The following PRKAB1 variants were observed in gnomAD, a reference collection of about 807,000 sequenced individuals.
PRKAB1 encodes 5'-AMP-activated protein kinase subunit beta-1.
In PRKAB1, 18 loss-of-function variants were observed where a neutral mutation model predicts 32.0. The ratio of observed to expected loss-of-function variants is 0.56; its 90% confidence interval spans 0.39 to 0.83. The LOEUF is 0.83. PRKAB1 is among the 40% of genes least tolerant of loss of function. PRKAB1 has a pLI of 0.00. For missense variants in PRKAB1, 263 were observed against 352.6 expected, an observed-to-expected ratio of 0.75 and a Z score of 2.03; for synonymous variants, 141 against 141.4, an observed-to-expected ratio of 1.00 and a Z score of 0.02.
chr12:119,676,739 C>T (rs1415461068), intron 5 of PRKAB1, 69 bp downstream of exon 5: 24 of 1,551,018 alleles, frequency 1.5e-5, no homozygotes, highest in African/African-American at 2.7e-5. Context: ...TTCCTGTGTC[C>T]ACCTCTTGCA....
At position 119,680,268 on chromosome 12, in the gene PRKAB1, C is replaced by T. The variant is rs372580274; in HGVS notation, c.756C>T (p.Ser252=). The change falls in exon 7 of 7, where the codon AGC becomes AGT. Residue 252 remains serine, a synonymous_variant. Coordinates refer to ENST00000229328, the MANE Select transcript of PRKAB1 (RefSeq NM_006253.5). ...LSIKDGVMVL[S]ATHRYKKKYV... ...CTTAGGATGGAGTGATGGTGCTCAG[C>T]GCAACCCACCGGTACAAGAAGAAGT... The T allele has an allele frequency of 1.6e-5, 26 of 1,613,924 alleles. No homozygotes were observed. Among genetic ancestry groups the T allele is most frequent in the African/African-American group, 2.7e-5 (2 of 74,914 alleles).
In PRKAB1 at chr12:119,674,515, A is replaced by G; in HGVS notation, c.532+61A>G. 1 of 1,249,968 alleles carries G rather than the reference A, an allele frequency of 8.0e-7. No homozygotes were observed. The highest frequency in any genetic ancestry group is 2.5e-5 in the East Asian group (1 of 40,290). 77.4% of individuals were successfully genotyped at this position (1,249,968 alleles called of 1,614,324 possible). A position where few individuals can be genotyped will look rare whatever the true frequency, so the allele number is the denominator to read the frequency against. ...GGTGGGGGCTGTACAGTCTAGACATACTCTTGTTTCTCTTGCCTCTCTTGA... is the reference window on the plus strand; with the variant it reads ...GGTGGGGGCTGTACAGTCTAGACATGCTCTTGTTTCTCTTGCCTCTCTTGA... On this transcript the variant is annotated intron_variant, in intron 4 of 6. Coordinates refer to ENST00000229328, the MANE Select transcript of PRKAB1 (RefSeq NM_006253.5). This position sits in a 1 kb window ranked among gnomAD's most constrained non-coding sequence, Gnocchi z 4.3.
intron 5 of PRKAB1, chr12:119,677,782 T>TTTTTTTTG (rs1955436348): frequency 8.6e-6 from 1 of 116,086 alleles, no homozygotes. Flanking sequence ...TTTTTTTTTT[T>TTTTTTTTG]GAGACGGAGT....
rs764289933 is a variant in PRKAB1, at chr12:119,673,991, T to C, written c.351T>C (p.Asp117=). 4.3e-6 allele frequency: 7 copies of C among 1,613,874 alleles called. No homozygotes were observed. The Admixed American group carries it at 1.2e-4, about 27-fold the overall frequency. Residue 117 remains aspartate, a synonymous_variant, in exon 3 of 7, where the codon GAT becomes GAC. Transcript: ENST00000229328. ...RSHNNFVAIL[D]LPEGEHQYKF... is the part of the protein sequence containing the mutation. The stretch of plus-strand genomic sequence containing the variant: ...ACAATAACTTTGTAGCCATCCTGGA[T>C]CTGCCGGAAGGAGAGCATCAGTACA...
At chr12:119,673,154 T>C (rs1012047266) in intron 2 of PRKAB1, among the ~76,000 whole-genome samples, 4 of 152,140 alleles carry the variant, frequency 2.6e-5, no homozygotes, top group Non-Finnish European at 5.9e-5. Context: ...TGTTTGAGCC[T>C]GAGAGGTCAG....
chr12:119,668,239 C>G lies in PRKAB1; in HGVS notation c.-6C>G. The stretch of plus-strand genomic sequence containing the variant: ...CGCCTTCCCTGTGTCCCCGCAGACC[C>G]CCATCATGGGCAATACCAGCAGTGA... On this transcript the variant is annotated 5_prime_UTR_variant, in exon 1 of 7. Transcript: ENST00000229328. The G allele has an allele frequency of 6.3e-7, 1 of 1,581,308 alleles. No individual in the cohort carries two copies. Among genetic ancestry groups the G allele is most frequent in the Non-Finnish European group, 8.6e-7 (1 of 1,168,042 alleles).
intron 1 of PRKAB1, among the ~76,000 whole-genome samples, chr12:119,668,900 G>A (rs1028996538): frequency 6.6e-6 from 1 of 152,156 alleles, no homozygotes; most frequent in Non-Finnish European, 1.5e-5. Flanking sequence ...AGTTGCCAGA[G>A]GTGTTTAGTT....
At position 119,674,160 on chromosome 12, in the gene PRKAB1, T is replaced by C; in HGVS notation, c.417+103T>C. On this transcript the variant is annotated intron_variant, in intron 3 of 6. Transcript: ENST00000229328. The surrounding 1 kb of genome is among the most constrained non-coding windows in gnomAD (Gnocchi z 4.3). Reference sequence around the variant, plus strand: ...GGTCCCTTTGCCCAGCTAGTAAAAGTCCCCGTGTGTGGCAGAGCTGAGTAG... The same window carrying C: ...GGTCCCTTTGCCCAGCTAGTAAAAGCCCCCGTGTGTGGCAGAGCTGAGTAG... The C allele has an allele frequency of 8.4e-7, 1 of 1,184,392 alleles. No individual in the cohort carries two copies. Among genetic ancestry groups the C allele is most frequent in the Non-Finnish European group, 1.2e-6 (1 of 817,166 alleles). 73.4% of individuals were successfully genotyped at this position (1,184,392 alleles called of 1,614,324 possible).
chr12:119,674,072 A>T lies in PRKAB1; in HGVS notation c.417+15A>T. 6.2e-7 allele frequency: 1 copy of T among 1,609,190 alleles called. No homozygotes were observed. The highest frequency in any genetic ancestry group is 1.1e-5 in the South Asian group (1 of 90,720). Reference sequence around the variant, plus strand: ...ACCCTTCCGAGGTACTCTTCCTCCCACCTCTGGTCCTCTGGGTGCCCGCAC... The same window carrying T: ...ACCCTTCCGAGGTACTCTTCCTCCCTCCTCTGGTCCTCTGGGTGCCCGCAC... On this transcript the variant is annotated intron_variant, in intron 3 of 6. Transcript: ENST00000229328. This position sits in a 1 kb window ranked among gnomAD's most constrained non-coding sequence, Gnocchi z 4.3.
chr12:119,679,897 T>G lies in PRKAB1; in HGVS notation c.667-36T>G, dbSNP rs2136861476. On this transcript the variant is annotated intron_variant, in intron 5 of 6. Transcript: ENST00000229328. The surrounding 1 kb of genome is among the most constrained non-coding windows in gnomAD (Gnocchi z 4.1). ...AAAGGGGAGAATCTTGGTTTCCAAA[T>G]CCCAAATGCTCACCGCTGCCTTTGT... 6.2e-7 allele frequency: 1 copy of G among 1,605,380 alleles called. No individual in the cohort carries two copies. Among genetic ancestry groups the G allele is most frequent in the East Asian group, 2.2e-5 (1 of 44,824 alleles).
At position 119,670,096 on chromosome 12, in the gene PRKAB1, C is replaced by T. The variant is rs553397872; in HGVS notation, c.159+1693C>T. Among the ~76,000 whole-genome samples the T allele has an allele frequency of 6.6e-5, 10 of 152,330 alleles. No homozygotes were observed. The East Asian group carries it at 1.9e-3, about 29-fold the overall frequency. ...AACTCAGGTGACTTAACTCCTGCTT[C>T]AACCACACTCCTGTTAACCACCTTC... is the stretch of plus-strand genomic sequence containing the variant. On this transcript the variant is annotated intron_variant, in intron 1 of 6. Coordinates refer to ENST00000229328, the MANE Select transcript of PRKAB1 (RefSeq NM_006253.5).
rs765011769 is a variant in PRKAB1 at position 119,676,698 on chromosome 12, A to G, written c.666+28A>G. The G allele has an allele frequency of 3.7e-6, 6 of 1,609,212 alleles. No homozygotes were observed. In the South Asian group the frequency reaches 4.4e-5, roughly 12 times the overall value. ...AAGTATGTGGGCATCTGCCCGGACC[A>G]TCCGCCGTGGGTCATGTTCAGTTGC... On this transcript the variant is annotated intron_variant, in intron 5 of 6. Transcript: ENST00000229328.
Position 119,668,255 on chromosome 12 carries a change from C to A in PRKAB1, c.11C>A (p.Thr4Asn). The change falls in exon 1 of 7, where the codon ACC becomes AAC. Residue 4 changes from threonine to asparagine, a missense_variant. Transcript: ENST00000229328. Reference protein sequence around the residue: MGNTSSERAALERH... With the variant: MGNNSSERAALERH... ...CCGCAGACCCCCATCATGGGCAATA[C>A]CAGCAGTGAGCGCGCCGCGCTGGAG... is the stretch of plus-strand genomic sequence containing the variant. The A allele has an allele frequency of 1.2e-6, 2 of 1,606,098 alleles. No individual in the cohort carries two copies. Among genetic ancestry groups the A allele is most frequent in the South Asian group, 2.2e-5 (2 of 90,080 alleles).
At position 119,679,851 on chromosome 12, in the gene PRKAB1, T is replaced by C. The variant is rs1593333456; in HGVS notation, c.667-82T>C. 6.9e-6 allele frequency: 10 copies of C among 1,457,432 alleles called. No homozygotes were observed. Among genetic ancestry groups the C allele is most frequent in the Non-Finnish European group, 8.7e-6 (9 of 1,037,900 alleles). The allele number at this position is 1,457,432 out of a possible 1,614,324, so 90.3% of individuals were successfully genotyped here. A position where few individuals can be genotyped will look rare whatever the true frequency, so the allele number is the denominator to read the frequency against. Reference sequence around the variant, plus strand: ...GGCCTGAGCGCTGCCTCCTGTCCTTTGATATCTGGCACTGGGAAGTAAAGG... The same window carrying C: ...GGCCTGAGCGCTGCCTCCTGTCCTTCGATATCTGGCACTGGGAAGTAAAGG... On this transcript the variant is annotated intron_variant, in intron 5 of 6. Coordinates refer to ENST00000229328, the MANE Select transcript of PRKAB1 (RefSeq NM_006253.5). This position sits in a 1 kb window ranked among gnomAD's most constrained non-coding sequence, Gnocchi z 4.1.
chr12:119,680,109 G>A (rs972293597), intron 6 of PRKAB1, 108 bp downstream of exon 6: 43 of 1,494,900 alleles, frequency 2.9e-5, no homozygotes, highest in Admixed American at 1.7e-4. Flanking sequence ...AGCTTCCAGG[G>A]TCTGGCACAG....
At chr12:119,672,165 T>A in intron 1 of PRKAB1, 136 bp from the exon 2 acceptor site, 1 of 849,732 alleles carries the variant, frequency 1.2e-6, no homozygotes, top group Admixed American at 2.8e-5. Flanking sequence ...GCAAGGAAAC[T>A]GAGGCACCAC....
At position 119,672,481 on chromosome 12, in the gene PRKAB1, T is replaced by A. The variant is rs756329297; in HGVS notation, c.323+17T>A. On this transcript the variant is annotated intron_variant, in intron 2 of 6. Transcript: ENST00000229328. ...CACCAGAAGGTAATTGCCTGGGGAG[T>A]GTTCACATATTTGTCTTAACATAAA... The A allele has an allele frequency of 6.6e-7, 1 of 1,514,224 alleles. No homozygotes were observed. Among genetic ancestry groups the A allele is most frequent in the East Asian group, 2.4e-5 (1 of 40,872 alleles). 93.8% of individuals were successfully genotyped at this position (1,514,224 alleles called of 1,614,324 possible).
Position 119,676,530 on chromosome 12 carries a change from C to G in PRKAB1, c.533-7C>G, listed in dbSNP as rs1955427454. 1.2e-6 allele frequency: 2 copies of G among 1,602,428 alleles called. No homozygotes were observed. Among genetic ancestry groups the G allele is most frequent in the East Asian group, 2.2e-5 (1 of 44,524 alleles). ...CAAAGTAAAGTCCTGTTACCATCTC[C>G]CAACAGAGCTGTCCAGTTCTCCCCC... is the stretch of plus-strand genomic sequence containing the variant. On this transcript the variant is annotated splice_polypyrimidine_tract_variant and splice_region_variant and intron_variant, in intron 4 of 6. Transcript: ENST00000229328.
intron 4 of PRKAB1, 99 bp from the exon 5 acceptor site, chr12:119,676,438 G>A (rs1167088703): frequency 7.3e-7 from 1 of 1,367,340 alleles, no homozygotes; most frequent in African/African-American, 1.5e-5. Context: ...TGCATTGAGG[G>A]AACAAGAGAC....
Sources: gnomAD v4.1 joint callset for allele counts (sites outside exome capture counted in the v4.1 genomes callset) on GRCh38, gnomAD v4.1.1 for gene constraint, Gnocchi (gnomAD v3.1) non-coding constraint, MANE v1.5 for transcripts, NCBI Gene and HGNC (gene_info 2026-07-23, HGNC 2026-07-21) for gene names.